The following FLNB variants were observed in gnomAD, a reference collection of about 807,000 sequenced individuals.
FLNB encodes the protein filamin-B.
In FLNB, 111 loss-of-function variants were observed where a neutral mutation model predicts 250.6. The observed-to-expected ratio is 0.44, with a 90% CI of 0.38 to 0.52. The LOEUF (loss-of-function observed/expected upper bound fraction) is 0.52. FLNB is among the 20% of genes least tolerant of loss of function. The pLI is 0.00. For synonymous variants in FLNB, 1,302 were observed against 1,372.1 expected, an observed-to-expected ratio of 0.95 and a Z score of 1.13; for missense variants, 2,869 against 3,447.8, an observed-to-expected ratio of 0.83 and a Z score of 4.20.
chr3:58,125,450 AC>A, intron 22 of FLNB, 130 bp from the exon 23 acceptor site: 1 of 1,105,608 alleles, frequency 9.0e-7, no homozygotes, highest in South Asian at 1.3e-5. Context: ...TGTGTTTTTA[AC>A]CCCCTTTTCC....
intron 1 of FLNB, among the ~76,000 whole-genome samples, chr3:58,024,186 G>GAT (rs1296733197): frequency 6.6e-6 from 1 of 152,174 alleles, no homozygotes; most frequent in Non-Finnish European, 1.5e-5. Context: ...TCTGGATACA[G>GAT]ATCCAGCCAC....
intron 4 of FLNB, among the ~76,000 whole-genome samples, chr3:58,094,534 G>A (rs989375876): frequency 6.6e-6 from 1 of 152,248 alleles, no homozygotes; most frequent in African/African-American, 2.4e-5. Flanking sequence ...CCTCCCTGCT[G>A]TGTTGCTTCC....
intron 25 of FLNB, chr3:58,131,959 C>A: frequency 4.6e-6 from 7 of 1,537,190 alleles, no homozygotes; most frequent in Non-Finnish European, 6.1e-6. Flanking sequence ...ATGGCGCAGC[C>A]CCTTGAAAGC....
chr3:58,060,673 C>T (rs764662732), intron 1 of FLNB, among the ~76,000 whole-genome samples: 2 of 138,488 alleles, frequency 1.4e-5, no homozygotes, highest in Non-Finnish European at 3.0e-5. Flanking sequence ...ATTAGCTGGG[C>T]GTGGTGGCAC....
In FLNB at chr3:58,132,902, T is replaced by A. The variant is rs533466793; in HGVS notation, c.4485T>A (p.Val1495=). The A allele has an allele frequency of 3.7e-6, 6 of 1,614,080 alleles. No individual in the cohort carries two copies. The highest frequency in any genetic ancestry group is 2.2e-5 in the South Asian group (2 of 91,008). Residue 1495 remains valine, a synonymous_variant, in exon 26 of 46, where the codon GTT becomes GTA. Transcript: ENST00000295956. The part of the protein sequence containing the change: ...PSQEGPYMVS[V]KYADEEIPRS... ...AGGAGGGACCTTACATGGTCTCAGTTAAATATGCTGATGAAGAGATTCCTC... is the reference window on the plus strand; with the variant it reads ...AGGAGGGACCTTACATGGTCTCAGTAAAATATGCTGATGAAGAGATTCCTC...
intron 1 of FLNB, among the ~76,000 whole-genome samples, chr3:58,065,390 G>A (rs1391507537): frequency 1.3e-5 from 2 of 152,222 alleles, no homozygotes; most frequent in African/African-American, 2.4e-5. Flanking sequence ...TAGATTCAGC[G>A]AAGTAGCAAG....
At chr3:58,030,041 A>T (rs900220908) in intron 1 of FLNB, among the ~76,000 whole-genome samples, 2 of 152,222 alleles carry the variant, frequency 1.3e-5, no homozygotes, top group Non-Finnish European at 2.9e-5. Flanking sequence ...CACTTCCCCA[A>T]TGGAAAGGGC....
At chr3:58,043,191 G>A (rs2097148728) in intron 1 of FLNB, among the ~76,000 whole-genome samples, 1 of 145,270 alleles carries the variant, frequency 6.9e-6, no homozygotes, top group Non-Finnish European at 1.5e-5. Context: ...CTGTTGCCCG[G>A]GGGAATGATC....
chr3:58,037,364 C>T (rs1247094853), intron 1 of FLNB, among the ~76,000 whole-genome samples: 1 of 152,148 alleles, frequency 6.6e-6, no homozygotes, highest in African/African-American at 2.4e-5. Context: ...CACGCCTGGC[C>T]GACATCAGAG....
At chr3:58,134,858 G>T in intron 27 of FLNB, 86 bp downstream of exon 27, 5 of 1,244,326 alleles carry the variant, frequency 4.0e-6, no homozygotes, top group Non-Finnish European at 4.6e-6. Flanking sequence ...TTCAATAACC[G>T]ATTTCTGACT....
At chr3:58,028,347 C>T (rs2097126234) in intron 1 of FLNB, among the ~76,000 whole-genome samples, 2 of 151,934 alleles carry the variant, frequency 1.3e-5, no homozygotes, top group Admixed American at 1.3e-4. Context: ...TAAATTCTGT[C>T]ATGTGTACAT....
chr3:58,088,086 G>T (rs1368379912), intron 4 of FLNB, among the ~76,000 whole-genome samples: 1 of 130,524 alleles, frequency 7.7e-6, no homozygotes, highest in Admixed American at 9.0e-5. Flanking sequence ...CTGTTTCACA[G>T]GTTGGAGTGC....
chr3:58,090,286 C>T (rs1285200014), intron 4 of FLNB, among the ~76,000 whole-genome samples: 2 of 152,088 alleles, frequency 1.3e-5, no homozygotes, highest in African/African-American at 2.4e-5. Flanking sequence ...GTGGAACCGC[C>T]GTCTCCTATA....
intron 4 of FLNB, among the ~76,000 whole-genome samples, chr3:58,091,526 C>A (rs1306983760): frequency 6.6e-6 from 1 of 151,836 alleles, no homozygotes; most frequent in Non-Finnish European, 1.5e-5. Flanking sequence ...AAACAAAAAA[C>A]CCATATAACT....
chr3:58,148,394 C>T, intron 35 of FLNB, 30 bp downstream of exon 35: 1 of 1,606,460 alleles, frequency 6.2e-7, no homozygotes, highest in Non-Finnish European at 8.5e-7. Context: ...CTGGCTGGAG[C>T]CAGGACATCT....
At chr3:58,100,373 A>AAAAATATATATATATATAT in intron 8 of FLNB, among the ~76,000 whole-genome samples, 11 of 104,342 alleles carry the variant, frequency 1.1e-4, no homozygotes, top group East Asian at 3.4e-4. Context: ...GTAAAAAAAA[A>AAAAATATATATATATATAT]ATATATATAT....
rs764553857 is a variant in FLNB at position 58,118,905 on chromosome 3, G to A, written c.2779G>A (p.Asp927Asn). Residue 927 changes from aspartate (D) to asparagine (N), a missense_variant, in exon 19 of 46, where the codon GAT becomes AAT. Physicochemically the swap from Asp to Asn is conservative, Grantham distance 23. Transcript: ENST00000295956. The stretch of plus-strand genomic sequence containing the variant: ...GCAGGTTCTGGTGACTTACGGTGGC[G>A]ATCCCATCCCTAAAAGCCCTTTCAC... ...NMQVLVTYGG[D>N]PIPKSPFTVG... is the part of the protein sequence containing the mutation. 4.6e-5 allele frequency: 75 copies of A among 1,613,854 alleles called. No individual in the cohort carries two copies. Among genetic ancestry groups the A allele is most frequent in the African/African-American group, 6.7e-5 (5 of 74,854 alleles).
rs2686631 is a variant in FLNB, at chr3:58,106,481, A to T, written c.1748-199A>T. On this transcript the variant is annotated intron_variant, in intron 11 of 45. Coordinates refer to ENST00000295956, the MANE Select transcript of FLNB (RefSeq NM_001457.4). ...CCAGGCCTACATTTGAAAAAAAAAA[A>T]ATATATATATATTTTCCACCCCTTC... Among the ~76,000 whole-genome samples the T allele has an allele frequency of 0.58, 87,196 of 149,150 alleles. 29,020 individuals carry two copies. Among genetic ancestry groups the T allele is most frequent in the East Asian group, 0.98 (5,000 of 5,122 alleles).
intron 9 of FLNB, among the ~76,000 whole-genome samples, chr3:58,102,895 A>C (rs577232069): frequency 6.6e-6 from 1 of 152,322 alleles, no homozygotes; most frequent in Non-Finnish European, 1.5e-5. Flanking sequence ...TAAACCCTGC[A>C]ACCCATTCTC....
Sources: allele counts gnomAD v4.1 joint callset (sites outside exome capture counted in the v4.1 genomes callset), GRCh38; gene constraint gnomAD v4.1.1; transcripts MANE v1.5; gene names NCBI Gene and HGNC (gene_info 2026-07-23, HGNC 2026-07-21).